FRMD7: variants seen among roughly 807,000 people sequenced by gnomAD.
FRMD7 encodes the protein FERM domain-containing protein 7.
Under a neutral mutation model 44.1 loss-of-function variants are expected in FRMD7, and 14 were observed. That is an observed-to-expected ratio of 0.32 (90% CI 0.21 to 0.50). The LOEUF (loss-of-function observed/expected upper bound fraction) is 0.50. Ranked by LOEUF, FRMD7 falls within the 20% of genes least tolerant of loss-of-function variation. The pLI is 0.99. For missense variants in FRMD7, 501 were observed against 522.3 expected (o/e 0.96, Z 0.40); for synonymous variants, 212 against 187.4 (o/e 1.13, Z -1.07).
At chrX:132,104,568 C>A (rs1378034511) in intron 1 of FRMD7, among the ~76,000 whole-genome samples, 1 of 111,285 alleles carries the variant, frequency 9.0e-6, no homozygotes, top group African/African-American at 3.3e-5. Context: ...TGGCGGGTGC[C>A]TGTAGTCCCA....
chrX:132,099,558 A>G (rs755739308), intron 2 of FRMD7, 48 bp from the exon 3 acceptor site: 27 of 967,255 alleles, frequency 2.8e-5, no homozygotes, highest in Non-Finnish European at 3.8e-5. Context: ...CATTGAGCAG[A>G]GCTTTTTTTT....
At chrX:132,084,444 T>A (rs778037459) in intron 8 of FRMD7, 46 bp downstream of exon 8, 12 of 812,525 alleles carry the variant, frequency 1.5e-5, no homozygotes, top group Non-Finnish European at 2.3e-5. Context: ...ACCAAAAAAA[T>A]TCCCAGTGAA....
chrX:132,097,320 A>C lies in FRMD7; in HGVS notation c.230T>G (p.Phe77Cys), dbSNP rs777099481. The C allele has an allele frequency of 1.7e-6, 2 of 1,186,287 alleles. No homozygotes were observed. The highest frequency in any genetic ancestry group is 1.8e-5 in the African/African-American group (1 of 56,358). The change falls in exon 4 of 12, where the codon TTT (phenylalanine) becomes TGT (cysteine). Residue 77 changes from phenylalanine to cysteine, a missense_variant. Around this residue, in one of 3 missense-constraint regions of FRMD7, gnomAD observed 24 missense variants for 48.0 expected, o/e 0.50. Transcript: ENST00000298542. ...VKNPKEIVFK[F>C]MVKFFPVDPG... is the part of the protein sequence containing the mutation. ...GTCCACTGGGAAAAATTTCACCATA[A>C]ATTTGAAAACAATCTCCTTAGGATC...
intron 5 of FRMD7, among the ~76,000 whole-genome samples, chrX:132,089,823 T>C (rs191241864): frequency 1.8e-5 from 2 of 112,083 alleles, no homozygotes; most frequent in African/African-American, 6.5e-5. Flanking sequence ...CAAAAAGATA[T>C]ACAATACCAA....
chrX:132,097,038 G>A (rs1928358574), intron 4 of FRMD7, among the ~76,000 whole-genome samples: 1 of 110,835 alleles, frequency 9.0e-6, no homozygotes, highest in Non-Finnish European at 1.9e-5. Context: ...TGGATACCCA[G>A]GCTTGAACTT....
chrX:132,098,499 G>T (rs1928406336), intron 3 of FRMD7, among the ~76,000 whole-genome samples: 1 of 112,176 alleles, frequency 8.9e-6, no homozygotes, highest in Admixed American at 9.5e-5. Flanking sequence ...ATTTCTTTGG[G>T]AGTAATGTAG....
At chrX:132,086,178 A>G in intron 5 of FRMD7, 144 bp from the exon 6 acceptor site, 1 of 495,711 alleles carries the variant, frequency 2.0e-6, no homozygotes, top group East Asian at 3.7e-5. Flanking sequence ...CTTTATGTAT[A>G]TTTATGTTTC....
rs1259158879 is a variant in FRMD7 at position 132,080,026 on chromosome X, G to A, written c.1030C>T (p.Leu344Phe). The change falls in exon 11 of 12, where the codon CTC (leucine) becomes TTC (phenylalanine). Residue 344 changes from leucine to phenylalanine, a missense_variant. Coordinates refer to ENST00000298542, the MANE Select transcript of FRMD7 (RefSeq NM_194277.3). ...ERQCRSSPDLLSDVSKQVEDL... is the reference protein window; with the variant it reads ...ERQCRSSPDLFSDVSKQVEDL... ...CTTACTTGTTTTGACACATCAGAGAGGAGGTCTGGTGAGGACCTGCACTGT... is the reference window on the plus strand; with the variant it reads ...CTTACTTGTTTTGACACATCAGAGAAGAGGTCTGGTGAGGACCTGCACTGT... 2.5e-6 allele frequency: 3 copies of A among 1,191,559 alleles called. No homozygotes were observed. Among genetic ancestry groups the A allele is most frequent in the Non-Finnish European group, 3.4e-6 (3 of 877,064 alleles).
chrX:132,083,914 A>G (rs998019400), intron 8 of FRMD7, among the ~76,000 whole-genome samples: 1 of 111,999 alleles, frequency 8.9e-6, no homozygotes, highest in African/African-American at 3.2e-5. Flanking sequence ...TCTGAGCTAC[A>G]TGTCACCACT....
intron 11 of FRMD7, 146 bp from the exon 12 acceptor site, chrX:132,079,112 A>G: frequency 3.8e-6 from 2 of 529,738 alleles, no homozygotes; most frequent in Non-Finnish European, 6.6e-6. Context: ...GGGTAGATAA[A>G]TATATAAAGA....
intron 6 of FRMD7, 91 bp from the exon 7 acceptor site, chrX:132,085,819 G>A (rs1320832658): frequency 6.6e-6 from 7 of 1,062,956 alleles, no homozygotes; most frequent in Non-Finnish European, 9.2e-6. Flanking sequence ...GCGTTTCATG[G>A]AGCCTGAAAC....
chrX:132,113,409 G>A (rs1276812265), intron 1 of FRMD7, among the ~76,000 whole-genome samples: 1 of 111,510 alleles, frequency 9.0e-6, no homozygotes, highest in African/African-American at 3.3e-5. Flanking sequence ...TCCAGAGCAG[G>A]TAAGAGACTT....
At chrX:132,100,112 G>A (rs1035550484) in intron 2 of FRMD7, among the ~76,000 whole-genome samples, 11 of 111,827 alleles carry the variant, frequency 9.8e-5, no homozygotes, top group Middle Eastern at 4.6e-3. Context: ...TGGGGTAAAA[G>A]AGTTTGTGTT....
rs1235631512 is a variant in FRMD7, at chrX:132,103,520, CT to C, written c.58-2805del. Among the ~76,000 whole-genome samples, 4 of 110,278 alleles carry C rather than the reference CT, an allele frequency of 3.6e-5. No homozygotes were observed. The South Asian group carries it at 1.2e-3, about 32-fold the overall frequency. On this transcript the variant is annotated intron_variant, in intron 1 of 11. Transcript: ENST00000298542. ...TCTATCTATCTATCTATCTATCTAT[CT>C]ATCTATCTATCTCTATAATTTAAAC...
At chrX:132,118,868 C>G (rs1393191265) in intron 1 of FRMD7, among the ~76,000 whole-genome samples, 2 of 110,804 alleles carry the variant, frequency 1.8e-5, no homozygotes, top group Non-Finnish European at 3.8e-5. Flanking sequence ...CCACAGCCCC[C>G]CAACTCCCCA....
chrX:132,113,752 C>A (rs1928834165), intron 1 of FRMD7, among the ~76,000 whole-genome samples: 1 of 111,251 alleles, frequency 9.0e-6, no homozygotes, highest in African/African-American at 3.3e-5. Flanking sequence ...GGGTATCCAT[C>A]CCCTCAAGCA....
chrX:132,109,028 C>A (rs1239716779), intron 1 of FRMD7, among the ~76,000 whole-genome samples: 2 of 112,043 alleles, frequency 1.8e-5, no homozygotes, highest in Non-Finnish European at 3.8e-5. Flanking sequence ...TAGCTATTAG[C>A]ATTTGCACCA....
At chrX:132,122,569 G>T (rs1929061608) in intron 1 of FRMD7, among the ~76,000 whole-genome samples, 1 of 111,804 alleles carries the variant, frequency 8.9e-6, no homozygotes, top group South Asian at 3.7e-4. Context: ...GCATCAAATG[G>T]TTCTAGAAAT....
At chrX:132,094,561 T>C (rs1928274629) in intron 4 of FRMD7, among the ~76,000 whole-genome samples, 1 of 111,700 alleles carries the variant, frequency 9.0e-6, no homozygotes, top group African/African-American at 3.3e-5. Context: ...ACTTAGGAGG[T>C]TGGTGGAGCA....
Sources: gnomAD v4.1 joint callset for allele counts (sites outside exome capture counted in the v4.1 genomes callset) on GRCh38, gnomAD v4.1.1 for gene constraint, gnomAD v4.1.1 regional missense constraint, MANE v1.5 for transcripts, NCBI Gene and HGNC (gene_info 2026-07-23, HGNC 2026-07-21) for gene names.